Variants in PXDNL observed in about 807,000 individuals in gnomAD.
PXDNL encodes the protein probable oxidoreductase PXDNL.
A neutral mutation model predicts 150.8 loss-of-function variants in PXDNL; 145 were observed. The observed-to-expected ratio is 0.96, with a 90% CI of 0.84 to 1.10. PXDNL has a LOEUF of 1.10. PXDNL is among the 50% of genes least tolerant of loss of function. The pLI, the probability that PXDNL is intolerant of heterozygous loss-of-function variation, is 0.00. For synonymous variants in PXDNL, 757 were observed against 725.7 expected (o/e 1.04, Z -0.69); for missense variants, 2,087 against 1,873.9 (o/e 1.11, Z -2.10).
chr8:51,462,472 G>GA (rs1400926953), intron 8 of PXDNL, among the ~76,000 whole-genome samples: 4 of 152,072 alleles, frequency 2.6e-5, no homozygotes, highest in African/African-American at 9.7e-5. Flanking sequence ...TTCTGGAATT[G>GA]AAAAAATCAC....
rs574197084 is a variant in PXDNL at position 51,626,973 on chromosome 8, T to C, written c.236+27716A>G. Among the ~76,000 whole-genome samples, 7 of 152,314 alleles carry C rather than the reference T, an allele frequency of 4.6e-5. No homozygotes were observed. In the East Asian group the frequency reaches 1.4e-3, roughly 29 times the overall value. Reference sequence around the variant, plus strand: ...TTGAGGTTGCCCAGTCATACTTATATTGAATCCATATTTTCTCACAATAGA... The same window carrying C: ...TTGAGGTTGCCCAGTCATACTTATACTGAATCCATATTTTCTCACAATAGA... On this transcript the variant is annotated intron_variant, in intron 2 of 22. Transcript: ENST00000356297.
chr8:51,745,446 T>C (rs1323440699), intron 1 of PXDNL, among the ~76,000 whole-genome samples: 2 of 152,236 alleles, frequency 1.3e-5, no homozygotes, highest in African/African-American at 4.8e-5. Context: ...TATCCATCTC[T>C]CTAGCAAGTC....
rs1245002081 is a variant in PXDNL at position 51,409,560 on chromosome 8, T to C, written c.2064A>G (p.Glu688=). The part of the protein sequence containing the change: ...QGLTVDLEGK[E]FRYNDLVSPR... ...GGGACACCAAGTCATTGTACCGGAA[T>C]TCTGAAAGGCAAGCGGCGAAAGCCG... The change falls in exon 17 of 23, where the codon GAA becomes GAG. Residue 688 remains glutamate (E), a splice_region_variant and synonymous_variant. Transcript: ENST00000356297. 6 of 1,562,328 alleles carry C rather than the reference T, an allele frequency of 3.8e-6. No individual in the cohort carries two copies. The highest frequency in any genetic ancestry group is 4.3e-6 in the Non-Finnish European group (5 of 1,152,428).
intron 1 of PXDNL, among the ~76,000 whole-genome samples, chr8:51,720,243 CAAATTGTTCTTAA>C (rs1276404043): frequency 1.3e-5 from 2 of 148,944 alleles, no homozygotes; most frequent in East Asian, 3.9e-4. Context: ...TATACAGAAG[CAAATTGTTCTTAA>C]AAAACAACTT....
In PXDNL at chr8:51,409,196, G is replaced by A. The variant is rs1311465882; in HGVS notation, c.2428C>T (p.Leu810=). The stretch of plus-strand genomic sequence containing the variant: ...ACTGTGTGGTCCAAGTCGTGCTCTA[G>A]AAACCAGCCCCAGTGCATGAGCATG... The part of the protein sequence containing the change: ...TRMLMHWGWF[L]EHDLDHTVPA... The change falls in exon 17 of 23, where the codon CTA becomes TTA. Residue 810 remains leucine, a synonymous_variant. Coordinates refer to ENST00000356297, the MANE Select transcript of PXDNL (RefSeq NM_144651.5). 1 of 1,590,180 alleles carries A rather than the reference G, an allele frequency of 6.3e-7. No homozygotes were observed. Among genetic ancestry groups the A allele is most frequent in the Non-Finnish European group, 8.5e-7 (1 of 1,173,062 alleles).
intron 14 of PXDNL, among the ~76,000 whole-genome samples, chr8:51,417,571 A>AT (rs780881356): frequency 6.6e-6 from 1 of 152,100 alleles, no homozygotes; most frequent in African/African-American, 2.4e-5. Flanking sequence ...AAAGGCTGAG[A>AT]TTTTTTCACA....
chr8:51,407,652 A>T (rs1437759040), intron 17 of PXDNL, among the ~76,000 whole-genome samples: 1 of 152,216 alleles, frequency 6.6e-6, no homozygotes, highest in Non-Finnish European at 1.5e-5. Flanking sequence ...CACAAAAAAT[A>T]ATTTGTTTTT....
At chr8:51,737,303 T>C (rs1817058657) in intron 1 of PXDNL, among the ~76,000 whole-genome samples, 1 of 152,364 alleles carries the variant, frequency 6.6e-6, no homozygotes, top group Middle Eastern at 3.4e-3. Context: ...TCGGATTTTA[T>C]TGCATTTTGT....
At chr8:51,353,633 A>G (rs1356142558) in intron 19 of PXDNL, among the ~76,000 whole-genome samples, 2 of 152,148 alleles carry the variant, frequency 1.3e-5, no homozygotes, top group Admixed American at 6.5e-5. Context: ...CCTAGCATAT[A>G]ATCAATATTT....
At chr8:51,378,915 C>G (rs1335983368) in intron 17 of PXDNL, among the ~76,000 whole-genome samples, 1 of 152,158 alleles carries the variant, frequency 6.6e-6, no homozygotes, top group African/African-American at 2.4e-5. Flanking sequence ...ACACTCACGG[C>G]GAGGGTCTGC....
chr8:51,739,285 A>G (rs2036877161), intron 1 of PXDNL, among the ~76,000 whole-genome samples: 1 of 150,978 alleles, frequency 6.6e-6, no homozygotes, highest in Non-Finnish European at 1.5e-5. Context: ...TCCAACAGTA[A>G]ACAATGGTCA....
chr8:51,609,965 G>T (rs1195423303), intron 2 of PXDNL, among the ~76,000 whole-genome samples: 1 of 152,166 alleles, frequency 6.6e-6, no homozygotes. Flanking sequence ...ACTCGCTTGT[G>T]ACCATTTGCT....
chr8:51,506,338 T>C (rs756673421), intron 4 of PXDNL, among the ~76,000 whole-genome samples: 7 of 151,804 alleles, frequency 4.6e-5, no homozygotes, highest in East Asian at 3.9e-4. Flanking sequence ...ATCAGGAGAT[T>C]GAGACCATCC....
At chr8:51,511,681 A>T (rs1811422616) in intron 4 of PXDNL, among the ~76,000 whole-genome samples, 1 of 152,196 alleles carries the variant, frequency 6.6e-6, no homozygotes, top group South Asian at 2.1e-4. Flanking sequence ...GACTGAGGTC[A>T]CCGCAGAGCC....
In PXDNL at chr8:51,757,272, CATT is replaced by C. The variant is rs1351841296; in HGVS notation, c.164+51906_164+51908del. Among the ~76,000 whole-genome samples, 3 of 152,180 alleles carry C rather than the reference CATT, an allele frequency of 2.0e-5. No homozygotes were observed. In the East Asian group the frequency reaches 5.8e-4, roughly 29 times the overall value. On this transcript the variant is annotated intron_variant, in intron 1 of 22. Transcript: ENST00000356297. The stretch of plus-strand genomic sequence containing the variant: ...TTTCCATCCAGTGAAAAATTGCAGT[CATT>C]ATTCTGAATCAGATTGTTTTCTAAA...
intron 6 of PXDNL, among the ~76,000 whole-genome samples, chr8:51,476,890 A>G (rs879489605): frequency 2.9e-4 from 44 of 152,220 alleles, no homozygotes; most frequent in African/African-American, 8.7e-4. Context: ...TAAATTTAAT[A>G]ACTTTTAATC....
In PXDNL at chr8:51,368,092, G is replaced by A. The variant is rs554670339; in HGVS notation, c.3901+3781C>T. ...GCAGTGAGCCAAGATCCAAGATCAC[G>A]CCATTGCACTCCAGGCTGGGTAACG... On this transcript the variant is annotated intron_variant, in intron 19 of 22. Transcript: ENST00000356297. Among the ~76,000 whole-genome samples, 141 of 152,242 alleles carry A rather than the reference G, an allele frequency of 9.3e-4. 1 individual carries two copies. Among genetic ancestry groups the A allele is most frequent in the African/African-American group, 3.1e-3 (130 of 41,546 alleles).
At chr8:51,701,230 T>G (rs1816252838) in intron 1 of PXDNL, among the ~76,000 whole-genome samples, 1 of 152,152 alleles carries the variant, frequency 6.6e-6, no homozygotes, top group Non-Finnish European at 1.5e-5. Flanking sequence ...TGCCTTCATA[T>G]TTTTTCAATA....
At chr8:51,426,043 C>T (rs1165451775) in intron 13 of PXDNL, among the ~76,000 whole-genome samples, 1 of 152,162 alleles carries the variant, frequency 6.6e-6, no homozygotes, top group Non-Finnish European at 1.5e-5. Context: ...AACTGACATT[C>T]AAGTGTGCAA....
Sources: gnomAD v4.1 joint callset for allele counts (sites outside exome capture counted in the v4.1 genomes callset) on GRCh38, gnomAD v4.1.1 for gene constraint, MANE v1.5 for transcripts, NCBI Gene and HGNC (gene_info 2026-07-23, HGNC 2026-07-21) for gene names.